The following KIF6 variants were observed in gnomAD, a reference collection of about 807,000 sequenced individuals.
KIF6 encodes kinesin-like protein KIF6.
A neutral mutation model predicts 112.7 loss-of-function variants in KIF6; 106 were observed. The observed-to-expected ratio is 0.94, with a 90% confidence interval of 0.80 to 1.11. The LOEUF is 1.11. Among genes scored for constraint, KIF6 ranks in the 50% least tolerant of loss-of-function variants. The pLI is 0.00. For synonymous variants in KIF6, 339 were observed against 339.9 expected, an observed-to-expected ratio of 1.00 and a Z score of 0.03; for missense variants, 929 against 964.0, an observed-to-expected ratio of 0.96 and a Z score of 0.48.
At chr6:39,466,209 A>G (rs1773777678) in intron 13 of KIF6, among the ~76,000 whole-genome samples, 1 of 152,206 alleles carries the variant, frequency 6.6e-6, no homozygotes, top group Non-Finnish European at 1.5e-5. Flanking sequence ...GCTTTATGTA[A>G]CAACAAGGCC....
At position 39,717,531 on chromosome 6, in the gene KIF6, C is replaced by T. The variant is rs1043836252; in HGVS notation, c.177-2765G>A. Among the ~76,000 whole-genome samples the T allele has an allele frequency of 2.6e-5, 4 of 152,222 alleles. No homozygotes were observed. The East Asian group carries it at 5.8e-4, about 22-fold the overall frequency. ...ATGTTGCAACCATTCCTCTCCTTCACCCCCCTCATCCAGCACTCCTCATTC... is the reference window on the plus strand; with the variant it reads ...ATGTTGCAACCATTCCTCTCCTTCATCCCCCTCATCCAGCACTCCTCATTC... On this transcript the variant is annotated intron_variant, in intron 2 of 22. Coordinates refer to ENST00000287152, the MANE Select transcript of KIF6 (RefSeq NM_145027.6).
intron 19 of KIF6, 52 bp downstream of exon 19, chr6:39,357,225 G>T: frequency 8.9e-7 from 1 of 1,128,664 alleles, no homozygotes; most frequent in Non-Finnish European, 1.3e-6. Context: ...AAACAGAAAG[G>T]TAGGGAGCCT....
intron 4 of KIF6, among the ~76,000 whole-genome samples, chr6:39,638,897 G>A (rs1784763333): frequency 6.6e-6 from 1 of 152,014 alleles, no homozygotes; most frequent in African/African-American, 2.4e-5. Context: ...AAGCCAGTCC[G>A]AGGTATAGAA....
At chr6:39,657,034 C>A (rs547509871) in intron 3 of KIF6, among the ~76,000 whole-genome samples, 1 of 151,984 alleles carries the variant, frequency 6.6e-6, no homozygotes, top group Admixed American at 6.6e-5. Context: ...AGTTTGAGAC[C>A]AGCCTGACCA....
chr6:39,530,874 T>C (rs891290384), intron 13 of KIF6, among the ~76,000 whole-genome samples: 1 of 152,238 alleles, frequency 6.6e-6, no homozygotes, highest in African/African-American at 2.4e-5. Flanking sequence ...TGGTTTAGTT[T>C]ATACAAGCCT....
chr6:39,523,019 G>A (rs568063427), intron 13 of KIF6, among the ~76,000 whole-genome samples: 26 of 152,232 alleles, frequency 1.7e-4, no homozygotes, highest in East Asian at 1.9e-4. Flanking sequence ...CTATACATTC[G>A]TTTGCATAGA....
intron 13 of KIF6, among the ~76,000 whole-genome samples, chr6:39,530,591 A>G (rs1380795046): frequency 6.6e-6 from 1 of 152,156 alleles, no homozygotes; most frequent in Non-Finnish European, 1.5e-5. Flanking sequence ...TGCTTGCGCA[A>G]TGACTCTGCA....
intron 3 of KIF6, among the ~76,000 whole-genome samples, chr6:39,643,950 C>T (rs1229503614): frequency 6.6e-5 from 10 of 151,972 alleles, no homozygotes; most frequent in Non-Finnish European, 1.5e-5. Context: ...ATCCATAATC[C>T]ATAACATACA....
intron 3 of KIF6, 97 bp downstream of exon 3, chr6:39,714,595 A>G (rs1789725056): frequency 2.6e-6 from 2 of 769,080 alleles, no homozygotes; most frequent in African/African-American, 1.8e-5. Flanking sequence ...GCCTAAGTAT[A>G]TAATTGATAC....
At chr6:39,645,197 T>G (rs909568907) in intron 3 of KIF6, among the ~76,000 whole-genome samples, 16 of 152,142 alleles carry the variant, frequency 1.1e-4, no homozygotes, top group African/African-American at 3.9e-4. Flanking sequence ...AAGTTTAAAT[T>G]AGGAAGCTAA....
At chr6:39,603,409 A>C (rs1301184646) in intron 6 of KIF6, among the ~76,000 whole-genome samples, 1 of 151,838 alleles carries the variant, frequency 6.6e-6, no homozygotes, top group Non-Finnish European at 1.5e-5. Context: ...TTCAGCTACC[A>C]CTCTCAGAAG....
At chr6:39,703,933 T>C (rs1247215931) in intron 3 of KIF6, among the ~76,000 whole-genome samples, 4 of 152,226 alleles carry the variant, frequency 2.6e-5, no homozygotes, top group Non-Finnish European at 4.4e-5. Flanking sequence ...TATCTCTCTT[T>C]TGGAGGCTAT....
intron 7 of KIF6, among the ~76,000 whole-genome samples, chr6:39,594,501 G>A (rs547776555): frequency 6.6e-6 from 1 of 152,328 alleles, no homozygotes; most frequent in South Asian, 2.1e-4. Context: ...TAGGAATGCT[G>A]ACTCTTGTTA....
intron 13 of KIF6, among the ~76,000 whole-genome samples, chr6:39,533,406 T>C (rs978350498): frequency 6.6e-6 from 1 of 152,162 alleles, no homozygotes; most frequent in Non-Finnish European, 1.5e-5. Flanking sequence ...GTCTCGCTGA[T>C]TGCTAGCACA....
At chr6:39,633,399 C>T (rs1000395077) in intron 5 of KIF6, among the ~76,000 whole-genome samples, 1 of 152,130 alleles carries the variant, frequency 6.6e-6, no homozygotes, top group Non-Finnish European at 1.5e-5. Context: ...CAGTCCCAGT[C>T]CTACAGTCTT....
chr6:39,682,954 G>A (rs1175563538), intron 3 of KIF6, among the ~76,000 whole-genome samples: 5 of 152,332 alleles, frequency 3.3e-5, no homozygotes, highest in East Asian at 1.9e-4. Context: ...AGATCTAAGC[G>A]ATAAGGAGGA....
Position 39,684,706 on chromosome 6 carries a change from C to T in KIF6, c.251+29986G>A, listed in dbSNP as rs372420034. ...TCTGGAGGCTGAGGCAGGAGAATCA[C>T]TTGAACCTGGGGGACGGAGGTTGCA... On this transcript the variant is annotated intron_variant, in intron 3 of 22. Transcript: ENST00000287152. Among the ~76,000 whole-genome samples, 21 of 151,342 alleles carry T rather than the reference C, an allele frequency of 1.4e-4. No individual in the cohort carries two copies. In the East Asian group the frequency reaches 3.7e-3, roughly 27 times the overall value.
chr6:39,450,759 C>A (rs1012480204), intron 13 of KIF6, among the ~76,000 whole-genome samples: 7 of 152,174 alleles, frequency 4.6e-5, no homozygotes, highest in Admixed American at 1.3e-4. Flanking sequence ...CAGCCATAAT[C>A]GCACCACTGC....
rs536853433 is a variant in KIF6, at chr6:39,704,573, G to A, written c.251+10119C>T. 2.5e-3 allele frequency among the ~76,000 whole-genome samples: 387 copies of A among 152,056 alleles called. 2 individuals carry two copies. Among genetic ancestry groups the A allele is most frequent in the African/African-American group, 8.7e-3 (359 of 41,464 alleles). ...GCAGAGGTTGCAGTGAGCCAAGATC[G>A]TGCCACCGCACTCCAGCCTGGGTGA... On this transcript the variant is annotated intron_variant, in intron 3 of 22. Transcript: ENST00000287152.
Sources: gnomAD v4.1 joint callset for allele counts (sites outside exome capture counted in the v4.1 genomes callset) on GRCh38, gnomAD v4.1.1 for gene constraint, MANE v1.5 for transcripts, NCBI Gene and HGNC (gene_info 2026-07-23, HGNC 2026-07-21) for gene names.